The following IGSF10 variants were observed in gnomAD, a reference collection of about 807,000 sequenced individuals.
The protein encoded by IGSF10 is calvaria mechanical force protein 608.
IGSF10 carries 126 observed loss-of-function variants against 128.2 expected under a neutral mutation model. The ratio of observed to expected loss-of-function variants is 0.98; its 90% CI spans 0.85 to 1.14. The LOEUF is 1.14. Ranked by LOEUF, IGSF10 falls within the 50% of genes most tolerant of loss-of-function variation. IGSF10 has a pLI of 0.00. For synonymous variants in IGSF10, 1,185 were observed against 1,146.2 expected (o/e 1.03, Z -0.68); for missense variants, 3,295 against 3,149.8 (o/e 1.05, Z -1.10).
At chr3:151,608,363 A>T in the IGSF10 span, among the ~76,000 whole-genome samples, 1 of 152,198 alleles carries the variant, frequency 6.6e-6, no homozygotes, top group African/African-American at 2.4e-5. Context: ...TTTTGCATGG[A>T]ACTGAGTTTG....
the IGSF10 span, among the ~76,000 whole-genome samples, chr3:151,527,728 T>A: frequency 7.5e-4 from 114 of 152,178 alleles, no homozygotes; most frequent in African/African-American, 2.6e-3. Flanking sequence ...GGTGAAAGGA[T>A]TATTTGAGCC....
At chr3:151,531,899 G>A in the IGSF10 span, among the ~76,000 whole-genome samples, 3 of 151,812 alleles carry the variant, frequency 2.0e-5, no homozygotes, top group Non-Finnish European at 4.4e-5. Flanking sequence ...CCAGGAGCTG[G>A]TTTTTTTTAA....
At chr3:151,557,868 A>G in the IGSF10 span, among the ~76,000 whole-genome samples, 1 of 149,378 alleles carries the variant, frequency 6.7e-6, no homozygotes. Context: ...TCTTCAGTAT[A>G]TTGTCTACAT....
At chr3:151,432,937 C>T (rs1719696828), downstream of IGSF10, 2 of 546,132 alleles carry the variant, frequency 3.7e-6, no homozygotes, top group Non-Finnish European at 5.7e-6. Context: ...TATGCTACAT[C>T]TCACAAAAAA....
the IGSF10 span, among the ~76,000 whole-genome samples, chr3:151,548,312 C>A: frequency 2.0e-5 from 3 of 152,144 alleles, no homozygotes; most frequent in African/African-American, 7.2e-5. Flanking sequence ...AAGCTGACAG[C>A]CAGCATCAAA....
chr3:151,523,689 C>T, the IGSF10 span, among the ~76,000 whole-genome samples: 1 of 151,954 alleles, frequency 6.6e-6, no homozygotes, highest in Non-Finnish European at 1.5e-5. Flanking sequence ...TGTAAAACCC[C>T]AAACTATGAA....
chr3:151,512,727 A>G, the IGSF10 span, among the ~76,000 whole-genome samples: 1 of 152,178 alleles, frequency 6.6e-6, no homozygotes, highest in Non-Finnish European at 1.5e-5. Context: ...CAAGACTAAT[A>G]AAGAAAAAAA....
rs1255208028 is a variant in IGSF10 at position 151,443,404 on chromosome 3, C to T, written c.5543G>A (p.Arg1848Lys). The T allele has an allele frequency of 6.2e-7, 1 of 1,614,240 alleles. No homozygotes were observed. The highest frequency in any genetic ancestry group is 8.5e-7 in the Non-Finnish European group (1 of 1,180,042). Reference protein sequence around the residue: ...IAAPPVILEQRRQVIVGTWGE... With the variant: ...IAAPPVILEQKRQVIVGTWGE... ...CCAAGTGCCTACAATGACTTGCCTC[C>T]TTTGCTCTAGAATAACAGGTGGTGC... The change falls in exon 7 of 8, where the codon AGG (arginine) becomes AAG (lysine). Residue 1848 changes from arginine to lysine, a missense_variant. Transcript: ENST00000282466.
the IGSF10 span, among the ~76,000 whole-genome samples, chr3:151,520,341 T>C: frequency 2.0e-5 from 3 of 151,844 alleles, no homozygotes; most frequent in African/African-American, 7.2e-5. Context: ...GAAAGGATGG[T>C]AAAAGTAGTC....
chr3:151,460,978 GCCCGGGCTAGGT>G lies in IGSF10; in HGVS notation c.-133_-122del, dbSNP rs1402320432. 6.1e-6 allele frequency: 6 copies of G among 985,244 alleles called. No individual in the cohort carries two copies. The highest frequency in any genetic ancestry group is 1.7e-5 in the African/African-American group (1 of 57,228). The allele number at this position is 985,244 out of a possible 1,614,324, so 61.0% of individuals were successfully genotyped here. ...CCCTGGTGACCAATGGGCTCGAGCT[GCCCGGGCTAGGT>G]CCCGGGCTCGGTCCCGGGCTCAGCT... On this transcript the variant is annotated 5_prime_UTR_variant, in exon 1 of 8. Transcript: ENST00000282466.
Position 151,443,371 on chromosome 3 carries a change from C to T in IGSF10, c.5576G>A (p.Ser1859Asn), listed in dbSNP as rs1211889836. ...TTTTGCAGTACAGGGCAGTTTTAAACTTTCACCCCAAGTGCCTACAATGAC... is the reference window on the plus strand; with the variant it reads ...TTTTGCAGTACAGGGCAGTTTTAAATTTTCACCCCAAGTGCCTACAATGAC... ...RQVIVGTWGE[S>N]LKLPCTAKGT... Residue 1859 changes from serine to asparagine, a missense_variant, in exon 7 of 8, where the codon AGT becomes AAT. Coordinates refer to ENST00000282466, the MANE Select transcript of IGSF10 (RefSeq NM_178822.5). 1 of 1,614,104 alleles carries T rather than the reference C, an allele frequency of 6.2e-7. No homozygotes were observed. The highest frequency in any genetic ancestry group is 1.3e-5 in the African/African-American group (1 of 74,928).
the IGSF10 span, among the ~76,000 whole-genome samples, chr3:151,500,269 AAG>A: frequency 6.6e-6 from 1 of 152,234 alleles, no homozygotes; most frequent in East Asian, 1.9e-4. Context: ...CCTTTAGGAA[AAG>A]AGAATGAATC....
chr3:151,581,077 TA>T, the IGSF10 span, among the ~76,000 whole-genome samples: 27 of 152,150 alleles, frequency 1.8e-4, no homozygotes, highest in African/African-American at 6.3e-4. Context: ...AAATGATTTG[TA>T]AAAAAGCAAG....
chr3:151,533,862 C>T, the IGSF10 span, among the ~76,000 whole-genome samples: 2 of 152,318 alleles, frequency 1.3e-5, no homozygotes, highest in South Asian at 4.1e-4. Flanking sequence ...TCAGAGTGAA[C>T]AGGCGACCTA....
chr3:151,444,953 G>A lies in IGSF10; in HGVS notation c.5028C>T (p.Pro1676=). The change falls in exon 6 of 8, where the codon CCC becomes CCT. Residue 1676 remains proline, a synonymous_variant. Transcript: ENST00000282466. ...CTCTGGTCCAATGAATGGTGGGCAG[G>A]GGATTTCCAACAGCTTCACAGGGAA... is the stretch of plus-strand genomic sequence containing the variant. The part of the protein sequence containing the change: ...AFLPCEAVGN[P]LPTIHWTRVP... 1 of 1,612,942 alleles carries A rather than the reference G, an allele frequency of 6.2e-7. No individual in the cohort carries two copies. Among genetic ancestry groups the A allele is most frequent in the Non-Finnish European group, 8.5e-7 (1 of 1,179,614 alleles).
chr3:151,522,328 C>T, the IGSF10 span, among the ~76,000 whole-genome samples: 1 of 152,096 alleles, frequency 6.6e-6, no homozygotes, highest in African/African-American at 2.4e-5. Context: ...AGAACCTGTT[C>T]CCCAACTCAT....
upstream of IGSF10, among the ~76,000 whole-genome samples, chr3:151,464,985 A>C (rs571432330): frequency 3.3e-4 from 50 of 152,324 alleles, no homozygotes; most frequent in South Asian, 7.5e-3. Flanking sequence ...GTATGGGTAC[A>C]GTTTTGGAAG....
At chr3:151,564,375 T>C in the IGSF10 span, among the ~76,000 whole-genome samples, 1 of 152,172 alleles carries the variant, frequency 6.6e-6, no homozygotes, top group African/African-American at 2.4e-5. Context: ...TTGGCTTACA[T>C]ATATGTTTTG....
the IGSF10 span, among the ~76,000 whole-genome samples, chr3:151,595,186 C>T: frequency 2.0e-5 from 3 of 152,002 alleles, no homozygotes; most frequent in Non-Finnish European, 2.9e-5. Flanking sequence ...TTAGTACGGA[C>T]ATTATGGAAA....
Sources: gnomAD v4.1 joint callset for allele counts (sites outside exome capture counted in the v4.1 genomes callset) on GRCh38, gnomAD v4.1.1 for gene constraint, MANE v1.5 for transcripts, NCBI Gene and HGNC (gene_info 2026-07-23, HGNC 2026-07-21) for gene names.